The following PCDH17 variants were observed in gnomAD, a reference collection of about 807,000 sequenced individuals.
PCDH17 encodes the protein protocadherin-17.
Under a neutral mutation model 67.7 loss-of-function variants are expected in PCDH17, and 21 were observed. That is an observed-to-expected ratio of 0.31 (90% confidence interval 0.22 to 0.45). PCDH17 has a LOEUF of 0.45. Ranked by LOEUF, PCDH17 falls within the 20% of genes least tolerant of loss-of-function variation. The pLI is 1.00. For synonymous variants in PCDH17, 701 were observed against 656.7 expected (o/e 1.07, Z -1.03); for missense variants, 1,471 against 1,564.8 (o/e 0.94, Z 1.01).
At position 57,633,957 on chromosome 13, in the gene PCDH17, C is replaced by T. The variant is rs368442905; in HGVS notation, c.1411C>T (p.Arg471Trp). ...TCTAGACGAGAACGACAACCCGCCT[C>T]GGTTCACCAAAGGGCTCTACGTGCT... ...KILDENDNPP[R>W]FTKGLYVLQV... The change falls in exon 1 of 4, where the codon CGG (arginine) becomes TGG (tryptophan). Residue 471 changes from arginine to tryptophan, a missense_variant. By Grantham distance (101) the Arg-to-Trp change is moderately radical. Around this residue, in one of 3 missense-constraint regions of PCDH17, gnomAD observed 1,163 missense variants for 1,230.0 expected, o/e 0.95. Coordinates refer to ENST00000377918, the MANE Select transcript of PCDH17 (RefSeq NM_001040429.3). This position sits in a 1 kb window ranked among gnomAD's most constrained non-coding sequence, Gnocchi z 6.2. 1.9e-6 allele frequency: 3 copies of T among 1,613,572 alleles called. No individual in the cohort carries two copies. The highest frequency in any genetic ancestry group is 2.5e-6 in the Non-Finnish European group (3 of 1,180,016).
intron 3 of PCDH17, among the ~76,000 whole-genome samples, chr13:57,705,176 C>A (rs1003240701): frequency 6.6e-6 from 1 of 151,722 alleles, no homozygotes; most frequent in South Asian, 2.1e-4. Context: ...TTGAGAAATG[C>A]CTTTGCTAAT....
chr13:57,688,152 A>C (rs1346083772), intron 3 of PCDH17, among the ~76,000 whole-genome samples: 1 of 151,826 alleles, frequency 6.6e-6, no homozygotes, highest in Admixed American at 6.6e-5. Context: ...TAAAACATTT[A>C]AAAAATATTT....
At chr13:57,686,891 A>G (rs2138056118) in intron 3 of PCDH17, among the ~76,000 whole-genome samples, 1 of 152,156 alleles carries the variant, frequency 6.6e-6, no homozygotes, top group South Asian at 2.1e-4. Context: ...TTTTCAGCCT[A>G]GAACGCACTG....
At chr13:57,676,487 G>A (rs927524422) in intron 3 of PCDH17, among the ~76,000 whole-genome samples, 8 of 151,826 alleles carry the variant, frequency 5.3e-5, no homozygotes, top group African/African-American at 1.7e-4. Context: ...AGAGGCAACT[G>A]GCAATTACAG....
intron 3 of PCDH17, among the ~76,000 whole-genome samples, chr13:57,713,611 A>G (rs1261825949): frequency 6.6e-6 from 1 of 151,668 alleles, no homozygotes; most frequent in African/African-American, 2.4e-5. Context: ...ATTTTATTCT[A>G]AAGTTATCTT....
At chr13:57,702,978 C>T (rs1955682261) in intron 3 of PCDH17, among the ~76,000 whole-genome samples, 1 of 152,084 alleles carries the variant, frequency 6.6e-6, no homozygotes. Context: ...GTGTGTGTGG[C>T]GTTTGCATGT....
chr13:57,694,486 C>A (rs1325914781), intron 3 of PCDH17, among the ~76,000 whole-genome samples: 1 of 151,018 alleles, frequency 6.6e-6, no homozygotes, highest in Non-Finnish European at 1.5e-5. Flanking sequence ...TAAAAAAATG[C>A]ATGTCCAGAA....
intron 3 of PCDH17, among the ~76,000 whole-genome samples, chr13:57,694,426 T>C (rs530970407): frequency 6.6e-6 from 1 of 151,362 alleles, no homozygotes; most frequent in South Asian, 2.1e-4. Flanking sequence ...TTCTTTCCTT[T>C]TGTCCCTTTT....
intron 3 of PCDH17, among the ~76,000 whole-genome samples, chr13:57,692,480 C>T (rs11148415): frequency 1.3e-5 from 2 of 151,046 alleles, no homozygotes; most frequent in African/African-American, 2.4e-5. Context: ...TGAATTAAGA[C>T]GTGCCATAAA....
At chr13:57,663,681 T>C (rs1955213021) in intron 1 of PCDH17, among the ~76,000 whole-genome samples, 2 of 152,308 alleles carry the variant, frequency 1.3e-5, no homozygotes, top group South Asian at 4.1e-4. Context: ...TCTACTTTAA[T>C]CAATGAGTTC....
chr13:57,661,945 C>T lies in PCDH17; in HGVS notation c.2566-4523C>T, dbSNP rs537807321. On this transcript the variant is annotated intron_variant, in intron 1 of 3. Transcript: ENST00000377918. ...TGCAGATTGAGCTCACTGAAACCTC[C>T]GCCTCCTGGATTCAAGCGATTCTCG... Among the ~76,000 whole-genome samples the T allele has an allele frequency of 2.0e-5, 3 of 152,198 alleles. No homozygotes were observed. In the South Asian group the frequency reaches 6.2e-4, roughly 32 times the overall value.
chr13:57,635,735 T>A (rs946618203), intron 1 of PCDH17, among the ~76,000 whole-genome samples: 1 of 152,250 alleles, frequency 6.6e-6, no homozygotes, highest in Admixed American at 6.5e-5. Flanking sequence ...TTAATACAGC[T>A]TAAGCTTTTC....
intron 3 of PCDH17, among the ~76,000 whole-genome samples, chr13:57,720,502 A>C (rs1361198489): frequency 6.6e-6 from 1 of 151,962 alleles, no homozygotes; most frequent in Non-Finnish European, 1.5e-5. Flanking sequence ...ATAATAAAAT[A>C]TTGTCATTTT....
chr13:57,634,410 C>T lies in PCDH17; in HGVS notation c.1864C>T (p.Arg622Cys). The part of the protein sequence containing the change: ...ALDSDFGESG[R>C]LTYEIVDGND... The stretch of plus-strand genomic sequence containing the variant: ...AGACAGCGACTTCGGCGAGAGCGGG[C>T]GTCTCACCTACGAGATCGTGGACGG... The change falls in exon 1 of 4, where the codon CGT becomes TGT. Residue 622 changes from arginine to cysteine, a missense_variant. Physicochemically the swap from Arg to Cys is radical, Grantham distance 180. This residue lies in a region of PCDH17 where 1,163 missense variants were observed against 1,230.0 expected (regional missense o/e 0.95). Transcript: ENST00000377918. The surrounding 1 kb of genome is among the most constrained non-coding windows in gnomAD (Gnocchi z 7.8). 1.2e-6 allele frequency: 2 copies of T among 1,612,736 alleles called. No individual in the cohort carries two copies. Among genetic ancestry groups the T allele is most frequent in the Non-Finnish European group, 1.7e-6 (2 of 1,179,886 alleles).
intron 3 of PCDH17, among the ~76,000 whole-genome samples, chr13:57,707,849 T>G (rs1029810396): frequency 1.3e-5 from 2 of 152,076 alleles, no homozygotes; most frequent in African/African-American, 4.8e-5. Flanking sequence ...ACTGTCTCTG[T>G]GTCTCTGTTT....
intron 3 of PCDH17, among the ~76,000 whole-genome samples, chr13:57,715,685 T>C (rs1955810996): frequency 6.6e-6 from 1 of 151,928 alleles, no homozygotes; most frequent in African/African-American, 2.4e-5. Flanking sequence ...CTGAGATTCA[T>C]CCATCTTACT....
Position 57,711,956 on chromosome 13 carries a change from C to G in PCDH17, c.2798-12656C>G, listed in dbSNP as rs552023597. 7.9e-5 allele frequency among the ~76,000 whole-genome samples: 12 copies of G among 151,296 alleles called. No homozygotes were observed. In the South Asian group the frequency reaches 2.5e-3, roughly 31 times the overall value. On this transcript the variant is annotated intron_variant, in intron 3 of 3. Transcript: ENST00000377918. ...TTGGGATTTTATGCAAAATTATGTG[C>G]AGATATATTTATTTTTAGTAATAAA...
Position 57,632,828 on chromosome 13 carries a change from C to T in PCDH17, c.282C>T (p.Ser94=), listed in dbSNP as rs1188704260. Reference sequence around the variant, plus strand: ...CCAAGCAGCGCATCGACCGCGAGTCCCTGTGCCGCCACAATGCCAAGTGCC... The same window carrying T: ...CCAAGCAGCGCATCGACCGCGAGTCTCTGTGCCGCCACAATGCCAAGTGCC... The part of the protein sequence containing the change: ...LYTKQRIDRE[S]LCRHNAKCQL... Residue 94 remains serine, a synonymous_variant, in exon 1 of 4, where the codon TCC becomes TCT. Coordinates refer to ENST00000377918, the MANE Select transcript of PCDH17 (RefSeq NM_001040429.3). 6.2e-7 allele frequency: 1 copy of T among 1,613,804 alleles called. No homozygotes were observed. Among genetic ancestry groups the T allele is most frequent in the Admixed American group, 1.7e-5 (1 of 60,018 alleles).
intron 3 of PCDH17, among the ~76,000 whole-genome samples, chr13:57,714,694 A>T (rs1288273991): frequency 1.3e-5 from 2 of 151,736 alleles, no homozygotes; most frequent in African/African-American, 4.8e-5. Context: ...CATATAAATC[A>T]GGTTCTTTCG....
Sources: gnomAD v4.1 joint callset for allele counts (sites outside exome capture counted in the v4.1 genomes callset) on GRCh38, gnomAD v4.1.1 for gene constraint, gnomAD v4.1.1 regional missense constraint, Gnocchi (gnomAD v3.1) non-coding constraint, MANE v1.5 for transcripts, NCBI Gene and HGNC (gene_info 2026-07-23, HGNC 2026-07-21) for gene names.